EXOC4: variants seen among roughly 807,000 people sequenced by gnomAD.
EXOC4 encodes the protein exocyst complex component 4.
Under a neutral mutation model 107.2 loss-of-function variants are expected in EXOC4, and 71 were observed. The observed-to-expected ratio is 0.66, with a 90% CI of 0.55 to 0.81. The LOEUF is 0.81. EXOC4 is among the 30% of genes least tolerant of loss of function. The pLI is 0.00. For missense variants in EXOC4, 1,108 were observed against 1,189.6 expected (o/e 0.93, Z 1.01); for synonymous variants, 456 against 441.2 (o/e 1.03, Z -0.42).
At chr7:133,464,810 G>GTT (rs1491525276) in intron 7 of EXOC4, among the ~76,000 whole-genome samples, 4 of 105,686 alleles carry the variant, frequency 3.8e-5, no homozygotes, top group Non-Finnish European at 7.0e-5. Flanking sequence ...TGGTTGGGTT[G>GTT]GTTTTTTTTT....
At chr7:133,635,144 G>T (rs745508571) in intron 10 of EXOC4, among the ~76,000 whole-genome samples, 1 of 152,028 alleles carries the variant, frequency 6.6e-6, no homozygotes, top group Non-Finnish European at 1.5e-5. Flanking sequence ...AATTATTTTT[G>T]AATAATTACA....
intron 10 of EXOC4, among the ~76,000 whole-genome samples, chr7:133,658,491 C>A (rs1803355237): frequency 6.6e-6 from 1 of 152,180 alleles, no homozygotes; most frequent in South Asian, 2.1e-4. Flanking sequence ...CTATGGGGCT[C>A]ATGTTGCCCA....
intron 9 of EXOC4, among the ~76,000 whole-genome samples, chr7:133,481,753 A>G (rs941626531): frequency 6.6e-6 from 1 of 152,172 alleles, no homozygotes; most frequent in Non-Finnish European, 1.5e-5. Flanking sequence ...GCATTCTGGA[A>G]GACATGCAAT....
At chr7:133,578,044 A>G in intron 9 of EXOC4, among the ~76,000 whole-genome samples, 1 of 152,164 alleles carries the variant, frequency 6.6e-6, no homozygotes. Context: ...ACCCCCTAAT[A>G]AATAGATGCA....
chr7:133,684,043 G>A (rs1340604916), intron 10 of EXOC4, among the ~76,000 whole-genome samples: 1 of 152,114 alleles, frequency 6.6e-6, no homozygotes, highest in East Asian at 1.9e-4. Context: ...CACATTTGCT[G>A]TTTTAAATAT....
chr7:133,765,715 A>G (rs1796121878), intron 10 of EXOC4, among the ~76,000 whole-genome samples: 2 of 151,888 alleles, frequency 1.3e-5, no homozygotes, highest in East Asian at 1.9e-4. Context: ...GATCTTTCCT[A>G]TAAGGAAGCT....
At chr7:133,497,701 T>C (rs909524769) in intron 9 of EXOC4, among the ~76,000 whole-genome samples, 1 of 152,138 alleles carries the variant, frequency 6.6e-6, no homozygotes, top group Non-Finnish European at 1.5e-5. Context: ...AGTGTTGGGA[T>C]TACAGGGGTG....
intron 10 of EXOC4, among the ~76,000 whole-genome samples, chr7:133,656,771 T>C (rs1803309739): frequency 1.3e-5 from 2 of 152,202 alleles, no homozygotes; most frequent in East Asian, 3.8e-4. Flanking sequence ...TACACTAACA[T>C]AAATTTGAAT....
chr7:133,453,523 C>T (rs1422830331), intron 7 of EXOC4, among the ~76,000 whole-genome samples: 3 of 152,078 alleles, frequency 2.0e-5, no homozygotes, highest in African/African-American at 4.8e-5. Flanking sequence ...ACTGTCATTT[C>T]TCTTTAATTA....
chr7:133,617,255 A>G (rs1460900089), intron 9 of EXOC4, among the ~76,000 whole-genome samples: 1 of 152,190 alleles, frequency 6.6e-6, no homozygotes, highest in Non-Finnish European at 1.5e-5. Flanking sequence ...AAACAGTAAT[A>G]GTATATCTGA....
intron 11 of EXOC4, among the ~76,000 whole-genome samples, chr7:133,880,678 T>C (rs1363077151): frequency 6.6e-6 from 1 of 152,106 alleles, no homozygotes; most frequent in Non-Finnish European, 1.5e-5. Context: ...CTGTTATGTT[T>C]TGTTTTGTTT....
chr7:133,713,873 T>G (rs971165079), intron 10 of EXOC4, among the ~76,000 whole-genome samples: 2 of 152,186 alleles, frequency 1.3e-5, no homozygotes, highest in Non-Finnish European at 2.9e-5. Context: ...TGTGAGCCAA[T>G]TAAACCTCTT....
At chr7:134,071,152 C>A (rs527629483), downstream of EXOC4, among the ~76,000 whole-genome samples, 1 of 152,184 alleles carries the variant, frequency 6.6e-6, no homozygotes, top group South Asian at 2.1e-4. Context: ...TTAATCCTCA[C>A]AATAATCCTA....
chr7:133,712,439 C>CAAA lies in EXOC4; in HGVS notation c.1514+82330_1514+82332dup, dbSNP rs58629398. Among the ~76,000 whole-genome samples, 18 of 30,230 alleles carry CAAA rather than the reference C, an allele frequency of 6.0e-4. 1 individual carries two copies. Among genetic ancestry groups the CAAA allele is most frequent in the African/African-American group, 2.3e-3 (17 of 7,268 alleles). 19.8% of individuals were successfully genotyped at this position (30,230 alleles called of 152,430 possible). Reference sequence around the variant, plus strand: ...GGGCAACAAGAATGAAACTCTGTCTCAAAAAAAAAAAAAAAAAAAAAAAAA... The same window carrying CAAA: ...GGGCAACAAGAATGAAACTCTGTCTCAAAAAAAAAAAAAAAAAAAAAAAAAAAA... On this transcript the variant is annotated intron_variant, in intron 10 of 17. Coordinates refer to ENST00000253861, the MANE Select transcript of EXOC4 (RefSeq NM_021807.4).
intron 9 of EXOC4, among the ~76,000 whole-genome samples, chr7:133,587,871 GA>G (rs554702352): frequency 6.6e-5 from 10 of 151,842 alleles, no homozygotes; most frequent in African/African-American, 2.4e-4. Flanking sequence ...TTTGCAAAAA[GA>G]AAAAAAATTC....
At chr7:133,305,694 A>G (rs1794736216) in intron 3 of EXOC4, among the ~76,000 whole-genome samples, 183 bp from the exon 4 acceptor site, 1 of 152,134 alleles carries the variant, frequency 6.6e-6, no homozygotes, top group Non-Finnish European at 1.5e-5. Context: ...AGATTGTTTT[A>G]TCATTACCTA....
At chr7:133,680,984 T>A (rs1462018462) in intron 10 of EXOC4, among the ~76,000 whole-genome samples, 1 of 152,226 alleles carries the variant, frequency 6.6e-6, no homozygotes, top group Admixed American at 6.5e-5. Flanking sequence ...TTTCCTTGTT[T>A]AAGATTTCAG....
chr7:133,434,728 G>A (rs1393706305), intron 7 of EXOC4, among the ~76,000 whole-genome samples: 1 of 152,148 alleles, frequency 6.6e-6, no homozygotes, highest in African/African-American at 2.4e-5. Flanking sequence ...TAAAGCTTGT[G>A]TGCCGGACTG....
At chr7:133,729,837 A>C (rs1238055511) in intron 10 of EXOC4, among the ~76,000 whole-genome samples, 2 of 151,950 alleles carry the variant, frequency 1.3e-5, no homozygotes, top group African/African-American at 4.8e-5. Context: ...CAAAAGATAG[A>C]TTCTCTCCTC....
Sources: gnomAD v4.1 joint callset for allele counts (sites outside exome capture counted in the v4.1 genomes callset) on GRCh38, gnomAD v4.1.1 for gene constraint, MANE v1.5 for transcripts, NCBI Gene and HGNC (gene_info 2026-07-23, HGNC 2026-07-21) for gene names.